Variants in SGCD observed in about 807,000 individuals in gnomAD.
The protein encoded by SGCD is delta-sarcoglycan.
In SGCD, 18 loss-of-function variants were observed where a neutral mutation model predicts 36.6. That is an observed-to-expected ratio of 0.49 (90% CI 0.34 to 0.73). The LOEUF is 0.73. SGCD is among the 30% of genes least tolerant of loss of function. SGCD has a pLI of 0.01. For missense variants in SGCD, 387 were observed against 346.7 expected (o/e 1.12, Z -0.92); for synonymous variants, 133 against 130.6 (o/e 1.02, Z -0.12).
At chr5:156,151,793 C>A (rs1398950501) in intron 3 of SGCD, among the ~76,000 whole-genome samples, 1 of 150,850 alleles carries the variant, frequency 6.6e-6, no homozygotes, top group Non-Finnish European at 1.5e-5. Flanking sequence ...ACAGCTGGAC[C>A]AAAGGTATGT....
At chr5:155,781,004 C>T in the SGCD span, among the ~76,000 whole-genome samples, 1 of 143,966 alleles carries the variant, frequency 6.9e-6, no homozygotes, top group African/African-American at 2.5e-5. Flanking sequence ...TATTTTTCCC[C>T]TGTTTGTGTG....
intron 3 of SGCD, among the ~76,000 whole-genome samples, chr5:156,407,772 A>G (rs778006792): frequency 1.3e-4 from 20 of 152,052 alleles, no homozygotes; most frequent in Non-Finnish European, 1.9e-4. Flanking sequence ...TCACAGGTAT[A>G]TGATTGTTAT....
At chr5:156,459,953 T>A (rs1754414539) in intron 3 of SGCD, among the ~76,000 whole-genome samples, 2 of 152,178 alleles carry the variant, frequency 1.3e-5, no homozygotes, top group African/African-American at 4.8e-5. Context: ...CCACCCAGAC[T>A]ATTCAAATAT....
At chr5:156,156,335 T>C (rs1376443974) in intron 3 of SGCD, among the ~76,000 whole-genome samples, 1 of 151,486 alleles carries the variant, frequency 6.6e-6, no homozygotes. Flanking sequence ...CCATGAATAT[T>C]AAAACAGCTG....
At chr5:156,074,337 C>G (rs1422796844) in intron 1 of SGCD, among the ~76,000 whole-genome samples, 1 of 151,950 alleles carries the variant, frequency 6.6e-6, no homozygotes, top group African/African-American at 2.4e-5. Context: ...AAGACACAAT[C>G]CAAATGCCAT....
the SGCD span, among the ~76,000 whole-genome samples, chr5:155,742,244 A>G: frequency 2.6e-5 from 4 of 152,218 alleles, no homozygotes; most frequent in South Asian, 2.1e-4. Flanking sequence ...GAGAAGGTCT[A>G]TAGTTACTCC....
intron 3 of SGCD, among the ~76,000 whole-genome samples, chr5:156,370,825 G>A (rs760002595): frequency 2.0e-5 from 3 of 152,126 alleles, no homozygotes; most frequent in Non-Finnish European, 4.4e-5. Context: ...CAGAACATCG[G>A]TGAGTAAGTG....
At chr5:155,753,207 C>T in the SGCD span, among the ~76,000 whole-genome samples, 9 of 151,920 alleles carry the variant, frequency 5.9e-5, no homozygotes, top group African/African-American at 1.5e-4. Flanking sequence ...CATGGTGGCA[C>T]GCGCCTGTAG....
chr5:156,029,594 A>C (rs897509902), intron 1 of SGCD, among the ~76,000 whole-genome samples: 1 of 152,184 alleles, frequency 6.6e-6, no homozygotes, highest in South Asian at 2.1e-4. Flanking sequence ...CTGCCAATTC[A>C]ATTATCTTCT....
At chr5:156,166,581 C>T (rs185050656) in intron 3 of SGCD, among the ~76,000 whole-genome samples, 1 of 152,292 alleles carries the variant, frequency 6.6e-6, no homozygotes. Flanking sequence ...CGGCCTCCCA[C>T]AGTGCTGGGA....
At chr5:155,896,894 A>T (rs534670103) in intron 1 of SGCD, among the ~76,000 whole-genome samples, 2 of 152,254 alleles carry the variant, frequency 1.3e-5, no homozygotes, top group African/African-American at 4.8e-5. Context: ...ATCTAGAAGA[A>T]TTTTTTCTAG....
chr5:155,917,472 A>G (rs141559052), intron 1 of SGCD, among the ~76,000 whole-genome samples: 1 of 152,346 alleles, frequency 6.6e-6, no homozygotes, highest in Non-Finnish European at 1.5e-5. Context: ...GGTACTTTGA[A>G]TAGTATGAGT....
At chr5:156,233,301 G>A (rs1765068327) in intron 3 of SGCD, among the ~76,000 whole-genome samples, 6 of 152,184 alleles carry the variant, frequency 3.9e-5, no homozygotes. Flanking sequence ...CAGAGTGATA[G>A]ATGTTATATT....
Position 156,608,708 on chromosome 5 carries a change from C to T in SGCD, c.502+13657C>T, listed in dbSNP as rs187343025. 8.1e-3 allele frequency among the ~76,000 whole-genome samples: 1,230 copies of T among 152,252 alleles called. 23 individuals are homozygous for T. The highest frequency in any genetic ancestry group is 0.028 in the African/African-American group (1,155 of 41,526). On this transcript the variant is annotated intron_variant, in intron 6 of 8. Transcript: ENST00000337851. ...CTCTTTGTAGGTCTCTAAGGACTTG[C>T]TTTATGAATCTGGGTGCTCCTGTAT...
chr5:156,558,908 A>G (rs1003607096), intron 4 of SGCD, among the ~76,000 whole-genome samples: 5 of 152,184 alleles, frequency 3.3e-5, no homozygotes, highest in Admixed American at 6.5e-5. Flanking sequence ...GAAAAGTTCT[A>G]TACTCATTGA....
chr5:156,083,354 G>A (rs1051300945), intron 1 of SGCD, among the ~76,000 whole-genome samples: 14 of 151,324 alleles, frequency 9.3e-5, no homozygotes, highest in African/African-American at 3.4e-4. Flanking sequence ...GAGTGCAATG[G>A]CGTGATCTCG....
intron 7 of SGCD, among the ~76,000 whole-genome samples, chr5:156,701,363 A>G (rs1754523076): frequency 6.6e-6 from 1 of 152,208 alleles, no homozygotes; most frequent in Admixed American, 6.5e-5. Context: ...CCATCTTGAA[A>G]ATAATATCCA....
the SGCD span, among the ~76,000 whole-genome samples, chr5:155,842,774 T>G: frequency 6.6e-6 from 1 of 151,522 alleles, no homozygotes; most frequent in Non-Finnish European, 1.5e-5. Flanking sequence ...TGTTTTAATA[T>G]TTTTGTCATT....
chr5:155,788,197 A>G, the SGCD span, among the ~76,000 whole-genome samples: 2 of 152,136 alleles, frequency 1.3e-5, no homozygotes, highest in South Asian at 4.1e-4. Context: ...CATTTTCTCA[A>G]AACATGGTTT....
Sources: gnomAD v4.1 joint callset for allele counts (sites outside exome capture counted in the v4.1 genomes callset) on GRCh38, gnomAD v4.1.1 for gene constraint, MANE v1.5 for transcripts, NCBI Gene and HGNC (gene_info 2026-07-23, HGNC 2026-07-21) for gene names.